LNX1: variants seen among roughly 807,000 people sequenced by gnomAD.
LNX1 encodes the protein E3 ubiquitin-protein ligase LNX.
LNX1 carries 54 observed loss-of-function variants against 68.4 expected under a neutral mutation model. The ratio of observed to expected loss-of-function variants is 0.79; its 90% confidence interval spans 0.63 to 0.99. The LOEUF (loss-of-function observed/expected upper bound fraction) is 0.99. Ranked by LOEUF, LNX1 falls within the 50% of genes least tolerant of loss-of-function variation. LNX1 has a pLI of 0.00. For synonymous variants in LNX1, 336 were observed against 350.0 expected, an observed-to-expected ratio of 0.96 and a Z score of 0.45; for missense variants, 906 against 926.4, an observed-to-expected ratio of 0.98 and a Z score of 0.29.
chr4:53,560,465 A>G (rs1355892492), intron 2 of LNX1, among the ~76,000 whole-genome samples: 1 of 152,122 alleles, frequency 6.6e-6, no homozygotes, highest in Non-Finnish European at 1.5e-5. Flanking sequence ...TTATAACAGA[A>G]CCCAGGTTTT....
At chr4:53,649,441 G>A (rs1017783253) in intron 1 of LNX1, among the ~76,000 whole-genome samples, 4 of 152,174 alleles carry the variant, frequency 2.6e-5, no homozygotes, top group African/African-American at 9.7e-5. Context: ...ACAAATCTTA[G>A]GTCACAGAAC....
chr4:53,599,850 A>T (rs1223498600), intron 2 of LNX1, among the ~76,000 whole-genome samples: 1 of 152,178 alleles, frequency 6.6e-6, no homozygotes, highest in East Asian at 1.9e-4. Context: ...AGCTGCTCTG[A>T]GTGGGTAGAA....
Position 53,478,550 on chromosome 4 carries a change from C to T in LNX1, c.1663+15G>A, listed in dbSNP as rs1182819338. 1.9e-6 allele frequency: 3 copies of T among 1,598,866 alleles called. No individual in the cohort carries two copies. In the African/African-American group the frequency reaches 4.0e-5, roughly 21 times the overall value. The stretch of plus-strand genomic sequence containing the variant: ...TCTGCCACCCCAGTGCCTTTAAAAT[C>T]CCTTTACTTTTTACCTGTTTTTATT... On this transcript the variant is annotated intron_variant, in intron 8 of 10. Transcript: ENST00000263925.
intron 2 of LNX1, among the ~76,000 whole-genome samples, chr4:53,526,119 T>TA (rs1327028457): frequency 1.1e-4 from 16 of 146,260 alleles, no homozygotes; most frequent in African/African-American, 1.5e-4. Flanking sequence ...GAAAAAATAT[T>TA]AAAAAAAGAT....
chr4:53,472,189 G>C (rs567270669), intron 9 of LNX1, among the ~76,000 whole-genome samples: 6 of 152,194 alleles, frequency 3.9e-5, no homozygotes, highest in African/African-American at 1.4e-4. Flanking sequence ...CCTTTGTAGG[G>C]ACATGGATGA....
intron 2 of LNX1, among the ~76,000 whole-genome samples, chr4:53,606,923 A>G (rs942966315): frequency 3.3e-5 from 5 of 152,186 alleles, no homozygotes; most frequent in Non-Finnish European, 7.3e-5. Context: ...CATGTTAAAA[A>G]CCCTCAACAA....
upstream of LNX1, among the ~76,000 whole-genome samples, chr4:53,596,415 G>A (rs1264866379): frequency 3.9e-5 from 6 of 152,156 alleles, no homozygotes; most frequent in African/African-American, 9.7e-5. Flanking sequence ...TTTTGTGAAA[G>A]TTTACCACAC....
chr4:53,604,646 C>A (rs952108903), intron 2 of LNX1, among the ~76,000 whole-genome samples: 1 of 152,150 alleles, frequency 6.6e-6, no homozygotes, highest in Admixed American at 6.5e-5. Context: ...AGGCTCAATT[C>A]GTTTGTTTCT....
At chr4:53,507,110 T>C (rs1183198064) in intron 4 of LNX1, among the ~76,000 whole-genome samples, 1 of 152,202 alleles carries the variant, frequency 6.6e-6, no homozygotes, top group Non-Finnish European at 1.5e-5. Context: ...GTTTCAACAC[T>C]TTTTTCTTCA....
chr4:53,560,692 C>T (rs1730223694), intron 2 of LNX1, among the ~76,000 whole-genome samples: 1 of 152,196 alleles, frequency 6.6e-6, no homozygotes, highest in Non-Finnish European at 1.5e-5. Context: ...CATTTGAGAC[C>T]ATGAGGTGAC....
At chr4:53,556,466 A>G (rs1170225970) in intron 2 of LNX1, among the ~76,000 whole-genome samples, 1 of 152,186 alleles carries the variant, frequency 6.6e-6, no homozygotes, top group East Asian at 1.9e-4. Flanking sequence ...CATAGCAACG[A>G]AGAAGGATAG....
At chr4:53,615,851 TATC>T (rs1412908329) in intron 2 of LNX1, among the ~76,000 whole-genome samples, 1 of 152,188 alleles carries the variant, frequency 6.6e-6, no homozygotes, top group East Asian at 1.9e-4. Context: ...GTAATAATCT[TATC>T]ATGGAGAATG....
At chr4:53,590,079 C>A (rs1397448816) in intron 1 of LNX1, among the ~76,000 whole-genome samples, 1 of 151,470 alleles carries the variant, frequency 6.6e-6, no homozygotes, top group Non-Finnish European at 1.5e-5. Flanking sequence ...GGCCAAACCC[C>A]CCCCCTTAAA....
intron 1 of LNX1, among the ~76,000 whole-genome samples, chr4:53,647,632 G>C (rs1021603296): frequency 3.3e-5 from 5 of 152,148 alleles, no homozygotes; most frequent in African/African-American, 9.7e-5. Context: ...CATGAAACTT[G>C]CCATCTTAAC....
Position 53,460,985 on chromosome 4 carries a change from A to G in LNX1, c.2109T>C (p.Ala703=). The change falls in exon 11 of 11, where the codon GCT becomes GCC. Residue 703 remains alanine (A), a synonymous_variant. Transcript: ENST00000263925. The part of the protein sequence containing the change: ...NGRSTSGMIH[A]CLARLLKELK... ...GTTCTTTCAGCAGTCTTGCCAAGCA[A>G]GCATGTATCATTCCTGATGTACTTC... is the stretch of plus-strand genomic sequence containing the variant. The G allele has an allele frequency of 6.2e-7, 1 of 1,609,208 alleles. No individual in the cohort carries two copies. The highest frequency in any genetic ancestry group is 8.5e-7 in the Non-Finnish European group (1 of 1,177,650).
intron 2 of LNX1, among the ~76,000 whole-genome samples, chr4:53,532,945 A>G (rs1728117964): frequency 6.6e-6 from 1 of 152,274 alleles, no homozygotes; most frequent in East Asian, 1.9e-4. Flanking sequence ...CTCTGTCCTC[A>G]TTTGGGTCCA....
chr4:53,559,824 A>AT (rs1252505589), intron 2 of LNX1, among the ~76,000 whole-genome samples: 1 of 151,368 alleles, frequency 6.6e-6, no homozygotes, highest in Non-Finnish European at 1.5e-5. Flanking sequence ...AAAAAAAAAA[A>AT]AAAAATTAAA....
At chr4:53,593,330 A>G (rs1732600329), upstream of LNX1, among the ~76,000 whole-genome samples, 1 of 152,200 alleles carries the variant, frequency 6.6e-6, no homozygotes, top group African/African-American at 2.4e-5. Flanking sequence ...GCAGGATCCA[A>G]CTTGGGAGGG....
At chr4:53,605,388 G>A (rs771579483) in intron 2 of LNX1, among the ~76,000 whole-genome samples, 2 of 151,962 alleles carry the variant, frequency 1.3e-5, no homozygotes, top group African/African-American at 4.8e-5. Context: ...GCAAATTAAC[G>A]TATGCATCAT....
Sources: allele counts gnomAD v4.1 joint callset (sites outside exome capture counted in the v4.1 genomes callset), GRCh38; gene constraint gnomAD v4.1.1; transcripts MANE v1.5; gene names NCBI Gene and HGNC (gene_info 2026-07-23, HGNC 2026-07-21).